The following ATP2C2 variants were observed in gnomAD, a reference collection of about 807,000 sequenced individuals.
ATP2C2 encodes the protein calcium-transporting ATPase type 2C member 2.
In ATP2C2, 171 loss-of-function variants were observed where a neutral mutation model predicts 110.8. That is an observed-to-expected ratio of 1.54 (90% CI 1.36 to 1.75). The LOEUF is 1.75. Ranked by LOEUF, ATP2C2 falls within the 40% of genes most tolerant of loss-of-function variation. The pLI is 0.00. For synonymous variants in ATP2C2, 804 were observed against 508.4 expected, an observed-to-expected ratio of 1.58 and a Z score of -7.82; for missense variants, 1,963 against 1,235.0, an observed-to-expected ratio of 1.59 and a Z score of -8.84.
At chr16:84,400,546 C>G (rs1426558311) in intron 2 of ATP2C2, among the ~76,000 whole-genome samples, 1 of 152,128 alleles carries the variant, frequency 6.6e-6, no homozygotes, top group Non-Finnish European at 1.5e-5. Context: ...CCAGGATGGT[C>G]TCGATCTCCT....
intron 7 of ATP2C2, among the ~76,000 whole-genome samples, chr16:84,419,676 C>G (rs1016147262): frequency 1.3e-5 from 2 of 152,102 alleles, no homozygotes; most frequent in African/African-American, 4.8e-5. Context: ...ACTCCCCATC[C>G]ACATCGCTCA....
intron 1 of ATP2C2, among the ~76,000 whole-genome samples, chr16:84,376,032 G>A (rs1910229940): frequency 6.6e-6 from 1 of 152,168 alleles, no homozygotes; most frequent in Non-Finnish European, 1.5e-5. Context: ...CAGATCCCCA[G>A]GGGTGGCGGT....
At chr16:84,430,890 C>T (rs1908216246) in intron 11 of ATP2C2, among the ~76,000 whole-genome samples, 1 of 152,058 alleles carries the variant, frequency 6.6e-6, no homozygotes, top group African/African-American at 2.4e-5. Context: ...AGCCGGGCTC[C>T]TTGTCAGCAA....
chr16:84,371,996 G>C (rs1909982001), intron 1 of ATP2C2, among the ~76,000 whole-genome samples: 1 of 152,180 alleles, frequency 6.6e-6, no homozygotes, highest in Admixed American at 6.5e-5. Context: ...AGAAAGACGT[G>C]ATGTTTAAGA....
intron 21 of ATP2C2, 85 bp downstream of exon 21, chr16:84,455,069 GA>G (rs1270082347): frequency 5.9e-5 from 88 of 1,489,184 alleles, no homozygotes; most frequent in East Asian, 9.9e-5. Flanking sequence ...TGTGGAGATA[GA>G]GGGGGGGGTC....
chr16:84,425,734 G>T lies in ATP2C2; in HGVS notation c.920-1G>T. 2 of 1,614,044 alleles carry T rather than the reference G, an allele frequency of 1.2e-6. No individual in the cohort carries two copies. Among genetic ancestry groups the T allele is most frequent in the Non-Finnish European group, 1.7e-6 (2 of 1,179,968 alleles). On this transcript the variant is annotated splice_acceptor_variant, in intron 10 of 26. Coordinates refer to ENST00000262429, the MANE Select transcript of ATP2C2 (RefSeq NM_014861.4). LOFTEE classifies it high-confidence loss of function. ...TAAGGATGTTTTTGTCTCTTCCCCA[G>T]GTCTCATCATGCTCATTGGCTGGTC...
At chr16:84,436,816 G>C (rs1050598220) in intron 11 of ATP2C2, among the ~76,000 whole-genome samples, 4 of 148,306 alleles carry the variant, frequency 2.7e-5, no homozygotes, top group Non-Finnish European at 5.9e-5. Flanking sequence ...AGGCTGGAGT[G>C]CAATGGCACC....
intron 7 of ATP2C2, among the ~76,000 whole-genome samples, chr16:84,419,681 C>T (rs1312352462): frequency 6.6e-6 from 1 of 152,180 alleles, no homozygotes; most frequent in South Asian, 2.1e-4. Flanking sequence ...CCATCCACAT[C>T]GCTCATTCAT....
chr16:84,424,109 C>A (rs1907591957), intron 10 of ATP2C2, among the ~76,000 whole-genome samples: 1 of 152,220 alleles, frequency 6.6e-6, no homozygotes, highest in Non-Finnish European at 1.5e-5. Flanking sequence ...AACCAACAAG[C>A]CACTGCCTAT....
At chr16:84,384,813 G>A (rs1904299140) in intron 1 of ATP2C2, among the ~76,000 whole-genome samples, 2 of 152,192 alleles carry the variant, frequency 1.3e-5, no homozygotes, top group South Asian at 4.1e-4. Context: ...ACTTTGGAAG[G>A]CCAAGGTGGG....
chr16:84,423,618 C>G (rs888356611), intron 10 of ATP2C2, among the ~76,000 whole-genome samples: 3 of 152,232 alleles, frequency 2.0e-5, no homozygotes, highest in East Asian at 1.9e-4. Flanking sequence ...CTATCTTCCT[C>G]TGGGTCCTTG....
chr16:84,376,246 A>C (rs983579138), intron 1 of ATP2C2, among the ~76,000 whole-genome samples: 1 of 152,172 alleles, frequency 6.6e-6, no homozygotes, highest in Non-Finnish European at 1.5e-5. Context: ...TCTCTGGTTC[A>C]AGGAAGGCAG....
intron 6 of ATP2C2, among the ~76,000 whole-genome samples, chr16:84,411,956 T>C (rs565850498): frequency 1.9e-4 from 29 of 151,926 alleles, no homozygotes; most frequent in African/African-American, 6.5e-4. Flanking sequence ...TTCTTTCTTT[T>C]CTTTCTTTCC....
At chr16:84,401,222 C>CT (rs55635029) in intron 2 of ATP2C2, among the ~76,000 whole-genome samples, 26,352 of 121,488 alleles carry the variant, frequency 0.22, 6,304 homozygotes, top group African/African-American at 0.58. Context: ...AGTCTTTAAT[C>CT]TTTTTTTTTT....
chr16:84,437,180 C>T (rs1362780774), intron 11 of ATP2C2, among the ~76,000 whole-genome samples: 1 of 152,114 alleles, frequency 6.6e-6, no homozygotes, highest in Non-Finnish European at 1.5e-5. Context: ...TCACCACAGT[C>T]CATTTTAGAA....
chr16:84,418,991 C>G (rs11644628), intron 7 of ATP2C2, among the ~76,000 whole-genome samples: 1 of 151,808 alleles, frequency 6.6e-6, no homozygotes, highest in East Asian at 1.9e-4. Context: ...GGTGGATCAC[C>G]TGAGGTCAGG....
chr16:84,441,062 A>AT, intron 14 of ATP2C2, 104 bp downstream of exon 14: 2 of 988,358 alleles, frequency 2.0e-6, no homozygotes, highest in South Asian at 2.8e-5. Flanking sequence ...GTTCTTGACA[A>AT]TGACTGGCCC....
chr16:84,414,419 C>T (rs1190507059), intron 6 of ATP2C2, among the ~76,000 whole-genome samples: 1 of 152,214 alleles, frequency 6.6e-6, no homozygotes, highest in Non-Finnish European at 1.5e-5. Context: ...GCTGCCACAG[C>T]TCCTTGCATC....
intron 14 of ATP2C2, 114 bp from the exon 15 acceptor site, chr16:84,442,396 A>T: frequency 1.1e-6 from 1 of 946,360 alleles, no homozygotes; most frequent in Non-Finnish European, 1.7e-6. Flanking sequence ...GAGTTGTTTT[A>T]AAGAGCAAGT....
Sources: allele counts gnomAD v4.1 joint callset (sites outside exome capture counted in the v4.1 genomes callset), GRCh38; gene constraint gnomAD v4.1.1; transcripts MANE v1.5; gene names NCBI Gene and HGNC (gene_info 2026-07-23, HGNC 2026-07-21).